The following ANKRD31 variants were observed in gnomAD, a reference collection of about 807,000 sequenced individuals.
ANKRD31 encodes the protein ankyrin repeat domain 31.
A neutral mutation model predicts 186.0 loss-of-function variants in ANKRD31; 147 were observed. The ratio of observed to expected loss-of-function variants is 0.79; its 90% CI spans 0.69 to 0.91. The LOEUF (loss-of-function observed/expected upper bound fraction) is 0.91, where lower values mean the gene tolerates loss of function less well. Among genes scored for constraint, ANKRD31 ranks in the 40% least tolerant of loss-of-function variants. The probability of loss-of-function intolerance (pLI) is 0.00; values close to 1 mark genes in which losing one functional copy is unlikely to be tolerated. For missense variants in ANKRD31, 1,986 were observed against 2,148.8 expected, an observed-to-expected ratio of 0.92 and a Z score of 1.50; for synonymous variants, 673 against 736.4, an observed-to-expected ratio of 0.91 and a Z score of 1.39.
At chr5:75,181,787 T>A (rs543901757) in intron 10 of ANKRD31, among the ~76,000 whole-genome samples, 1 of 150,780 alleles carries the variant, frequency 6.6e-6, no homozygotes, top group Admixed American at 6.6e-5. Context: ...TAATGTTAAA[T>A]GACGAGTTAA....
rs114885709 is a variant in ANKRD31, at chr5:75,187,660, G to A, written c.1564+833C>T. 5.3e-3 allele frequency among the ~76,000 whole-genome samples: 810 copies of A among 152,120 alleles called. 2 individuals carry two copies. Among genetic ancestry groups the A allele is most frequent in the Middle Eastern group, 0.02 (6 of 294 alleles). On this transcript the variant is annotated intron_variant, in intron 10 of 25. Transcript: ENST00000506364. ...AATACAAGGTTGAGGGTTATAACAG[G>A]GCTATAACCTGGGTATGACATTTAA...
At chr5:75,123,969 A>T (rs1190389595) in intron 17 of ANKRD31, among the ~76,000 whole-genome samples, 1 of 152,150 alleles carries the variant, frequency 6.6e-6, no homozygotes. Context: ...TGGCAAAGGG[A>T]ATAATAAAAA....
At chr5:75,181,612 T>C (rs1046832216) in intron 10 of ANKRD31, among the ~76,000 whole-genome samples, 29 of 151,728 alleles carry the variant, frequency 1.9e-4, no homozygotes, top group African/African-American at 6.5e-4. Flanking sequence ...GAAACCATCA[T>C]TCTCAGCAAA....
chr5:75,121,717 C>A (rs867644613), intron 17 of ANKRD31, among the ~76,000 whole-genome samples: 3 of 151,988 alleles, frequency 2.0e-5, no homozygotes, highest in Admixed American at 6.6e-5. Flanking sequence ...ATTTTTGGTT[C>A]AATGACAAAA....
chr5:75,118,357 T>A, intron 17 of ANKRD31, 60 bp from the exon 18 acceptor site: 12 of 1,309,554 alleles, frequency 9.2e-6, no homozygotes, highest in Non-Finnish European at 1.2e-5. Flanking sequence ...ATTTCTGTTT[T>A]CATCACAAAC....
At chr5:75,096,993 T>TC (rs1448509306) in intron 22 of ANKRD31, among the ~76,000 whole-genome samples, 4 of 152,160 alleles carry the variant, frequency 2.6e-5, no homozygotes, top group Non-Finnish European at 5.9e-5. Context: ...CATGAACTCA[T>TC]CTTTTTTATG....
chr5:75,134,200 C>G (rs1096800), intron 17 of ANKRD31, among the ~76,000 whole-genome samples: 1 of 151,850 alleles, frequency 6.6e-6, no homozygotes, highest in African/African-American at 2.4e-5. Flanking sequence ...CACAAAAAAC[C>G]CTTCAAAATA....
chr5:75,079,898 T>A (rs1203883126), intron 25 of ANKRD31, among the ~76,000 whole-genome samples: 1 of 151,710 alleles, frequency 6.6e-6, no homozygotes, highest in African/African-American at 2.4e-5. Context: ...AACTCAGGAG[T>A]TCGAGACCAG....
intron 17 of ANKRD31, among the ~76,000 whole-genome samples, chr5:75,127,845 G>A (rs1318671858): frequency 6.6e-6 from 1 of 152,080 alleles, no homozygotes; most frequent in Admixed American, 6.6e-5. Flanking sequence ...AGGTGTAAAG[G>A]TCTTGGACAT....
intron 18 of ANKRD31, among the ~76,000 whole-genome samples, chr5:75,117,598 A>T (rs1234385667): frequency 1.3e-5 from 2 of 152,066 alleles, no homozygotes; most frequent in African/African-American, 4.8e-5. Context: ...ATATAGATAC[A>T]TTCCTGAGTA....
intron 12 of ANKRD31, among the ~76,000 whole-genome samples, chr5:75,153,991 A>G (rs1421500592): frequency 6.6e-6 from 1 of 152,176 alleles, no homozygotes. Context: ...CAACCTGCAG[A>G]AAAGTATTAC....
intron 5 of ANKRD31, among the ~76,000 whole-genome samples, chr5:75,200,705 G>A (rs1226261367): frequency 6.7e-6 from 1 of 149,936 alleles, no homozygotes; most frequent in African/African-American, 2.4e-5. Context: ...TTGAGGTCAG[G>A]AGTTTGAGAC....
At chr5:75,098,076 G>A (rs1332495902) in intron 22 of ANKRD31, among the ~76,000 whole-genome samples, 2 of 151,950 alleles carry the variant, frequency 1.3e-5, no homozygotes, top group African/African-American at 4.8e-5. Context: ...CCAGGCTGGA[G>A]TGCAGTGGCG....
At position 75,149,922 on chromosome 5, in the gene ANKRD31, G is replaced by A. The variant is rs138066577; in HGVS notation, c.1853-1294C>T. Among the ~76,000 whole-genome samples, 1,052 of 151,976 alleles carry A rather than the reference G, an allele frequency of 6.9e-3. 3 individuals carry two copies. Among genetic ancestry groups the A allele is most frequent in the Non-Finnish European group, 8.9e-3 (601 of 67,854 alleles). ...CATGGTTCCTAAGAGAATCTGGAAGGAAGAACAGGGCTTTATTTTCTCTGA... is the reference window on the plus strand; with the variant it reads ...CATGGTTCCTAAGAGAATCTGGAAGAAAGAACAGGGCTTTATTTTCTCTGA... On this transcript the variant is annotated intron_variant, in intron 12 of 25. Coordinates refer to ENST00000506364, the MANE Select transcript of ANKRD31 (RefSeq NM_001372053.1).
rs529870026 is a variant in ANKRD31, at chr5:75,228,811, C to T, written c.178+1751G>A. On this transcript the variant is annotated intron_variant, in intron 2 of 25. Coordinates refer to ENST00000506364, the MANE Select transcript of ANKRD31 (RefSeq NM_001372053.1). ...TTGGAATATTGAAACAGACCTCTAA[C>T]TCCTTTCTAGTGGTACTTTATATAT... 3.9e-5 allele frequency among the ~76,000 whole-genome samples: 6 copies of T among 152,234 alleles called. No individual in the cohort carries two copies. The East Asian group carries it at 9.6e-4, about 24-fold the overall frequency.
intron 25 of ANKRD31, among the ~76,000 whole-genome samples, chr5:75,076,280 T>G (rs979282552): frequency 6.6e-6 from 1 of 152,236 alleles, no homozygotes; most frequent in Admixed American, 6.5e-5. Flanking sequence ...TATCAGTTAC[T>G]GGGTTGCCCA....
intron 17 of ANKRD31, among the ~76,000 whole-genome samples, chr5:75,136,225 T>C (rs1475922284): frequency 3.9e-5 from 6 of 152,042 alleles, no homozygotes; most frequent in Non-Finnish European, 7.4e-5. Flanking sequence ...AGTGAACAGG[T>C]GACCTACAGA....
In ANKRD31 at chr5:75,130,719, C is replaced by T. The variant is rs545537130; in HGVS notation, c.3876+7137G>A. Among the ~76,000 whole-genome samples, 3 of 152,308 alleles carry T rather than the reference C, an allele frequency of 2.0e-5. No individual in the cohort carries two copies. The South Asian group carries it at 6.2e-4, about 32-fold the overall frequency. On this transcript the variant is annotated intron_variant, in intron 17 of 25. Transcript: ENST00000506364. ...GATTGGTGCATTTACAAACCTTTAG[C>T]TAGACAGAAAAGTTCTCCGGGTCCC... is the stretch of plus-strand genomic sequence containing the variant.
chr5:75,078,977 C>T (rs547783550), intron 25 of ANKRD31, among the ~76,000 whole-genome samples: 1 of 152,274 alleles, frequency 6.6e-6, no homozygotes, highest in African/African-American at 2.4e-5. Flanking sequence ...TCACAGTTTT[C>T]ATCAATATTT....
Sources: gnomAD v4.1 joint callset for allele counts (sites outside exome capture counted in the v4.1 genomes callset) on GRCh38, gnomAD v4.1.1 for gene constraint, MANE v1.5 for transcripts, NCBI Gene and HGNC (gene_info 2026-07-23, HGNC 2026-07-21) for gene names.